LRRC53: variants seen among roughly 807,000 people sequenced by gnomAD.
LRRC53 encodes the protein leucine rich repeat containing 53.
LRRC53 carries 25 observed loss-of-function variants against 13.6 expected under a neutral mutation model. The ratio of observed to expected loss-of-function variants is 1.83; its 90% CI spans 1.34 to 2.56. LRRC53 has a LOEUF of 2.56. Among genes scored for constraint, LRRC53 ranks in the 30% most tolerant of loss-of-function variants. The pLI is 0.00. For synonymous variants in LRRC53, 204 were observed against 109.8 expected (o/e 1.86, Z -5.37); for missense variants, 527 against 275.8 (o/e 1.91, Z -6.45).
upstream of LRRC53, among the ~76,000 whole-genome samples, chr1:74,516,944 AC>A (rs1330179610): frequency 6.6e-6 from 1 of 152,184 alleles, no homozygotes; most frequent in Non-Finnish European, 1.5e-5. Flanking sequence ...CAACCTCTCT[AC>A]AGAAGTCTAA....
intron 1 of LRRC53, among the ~76,000 whole-genome samples, chr1:74,506,613 T>G (rs922878685): frequency 6.6e-6 from 1 of 152,220 alleles, no homozygotes; most frequent in African/African-American, 2.4e-5. Flanking sequence ...CCAGCAGCTC[T>G]GGCATCACCT....
the LRRC53 span, among the ~76,000 whole-genome samples, chr1:74,529,351 A>G: frequency 6.6e-6 from 1 of 152,176 alleles, no homozygotes; most frequent in Non-Finnish European, 1.5e-5. Context: ...GAATCTAATC[A>G]TTAGGAAACC....
At chr1:74,477,442 A>G (rs1306409154) in intron 3 of LRRC53, among the ~76,000 whole-genome samples, 1 of 152,198 alleles carries the variant, frequency 6.6e-6, no homozygotes, top group African/African-American at 2.4e-5. Flanking sequence ...GCATTGCTCT[A>G]TTGGTTCCTG....
intron 1 of LRRC53, among the ~76,000 whole-genome samples, chr1:74,494,562 C>T (rs954019142): frequency 6.6e-6 from 1 of 152,102 alleles, no homozygotes; most frequent in Admixed American, 6.5e-5. Context: ...ATCTTCTGTT[C>T]TTATTCTCTA....
chr1:74,492,694 T>A (rs186189691), intron 1 of LRRC53, among the ~76,000 whole-genome samples: 157 of 152,288 alleles, frequency 1.0e-3, no homozygotes, highest in African/African-American at 3.5e-3. Flanking sequence ...TGGAAATAGG[T>A]ACTTAAACAA....
At chr1:74,479,088 G>T (rs1289213479) in intron 3 of LRRC53, among the ~76,000 whole-genome samples, 1 of 152,104 alleles carries the variant, frequency 6.6e-6, no homozygotes, top group Admixed American at 6.6e-5. Context: ...ACAGAATAAT[G>T]ATTTATAGCA....
rs1667912236 is a variant in LRRC53, at chr1:74,471,127, A to G, written c.2495T>C (p.Ile832Thr). 2 of 400,732 alleles carry G rather than the reference A, an allele frequency of 5.0e-6. No individual in the cohort carries two copies. The highest frequency in any genetic ancestry group is 3.6e-5 in the East Asian group (1 of 28,074). The allele number at this position is 400,732 out of a possible 1,614,324, so 24.8% of individuals were successfully genotyped here. The change falls in exon 5 of 5, where the codon ATT becomes ACT. Residue 832 changes from isoleucine (I) to threonine (T), a missense_variant. Coordinates refer to ENST00000294635, the MANE Select transcript of LRRC53 (RefSeq NM_001382280.1). Reference sequence around the variant, plus strand: ...CAATTTTGATGTGTTTCCATCAGGAATGTGGCCAGCTGAGTAACAGCTGCT... The same window carrying G: ...CAATTTTGATGTGTTTCCATCAGGAGTGTGGCCAGCTGAGTAACAGCTGCT... ...IESSCYSAGHIPDGNTSKLPQ... is the reference protein window; with the variant it reads ...IESSCYSAGHTPDGNTSKLPQ...
the LRRC53 span, among the ~76,000 whole-genome samples, chr1:74,530,425 G>A: frequency 2.6e-5 from 4 of 152,158 alleles, no homozygotes; most frequent in African/African-American, 9.7e-5. Flanking sequence ...TGAGTTGTTA[G>A]GTGGGGCAAA....
intron 1 of LRRC53, among the ~76,000 whole-genome samples, chr1:74,495,316 T>G (rs985992191): frequency 6.6e-6 from 1 of 152,220 alleles, no homozygotes; most frequent in Non-Finnish European, 1.5e-5. Context: ...GTAAAGCGTT[T>G]AGCTAAGTTT....
the LRRC53 span, among the ~76,000 whole-genome samples, chr1:74,527,145 A>G: frequency 1.3e-5 from 2 of 152,230 alleles, no homozygotes; most frequent in Non-Finnish European, 1.5e-5. Flanking sequence ...GGCTACCTTC[A>G]GGTCACTGTA....
Position 74,475,747 on chromosome 1 carries a change from G to T in LRRC53, c.968C>A (p.Ala323Glu), listed in dbSNP as rs376869245. The change falls in exon 4 of 5, where the codon GCA (alanine) becomes GAA (glutamate). Residue 323 changes from alanine (A) to glutamate (E), a missense_variant. Physicochemically the swap from Ala to Glu is moderately radical, Grantham distance 107 (BLOSUM62 -1). Coordinates refer to ENST00000294635, the MANE Select transcript of LRRC53 (RefSeq NM_001382280.1). ...VFNWKLHQGKANEHTSENLCC... is the reference protein window; with the variant it reads ...VFNWKLHQGKENEHTSENLCC... ...AAGGTTTTCTGATGTGTGTTCATTT[G>T]CTTTGCCTTGGTGGAGTTTCCAGTT... The T allele has an allele frequency of 1.2e-5, 8 of 659,358 alleles. No individual in the cohort carries two copies. The African/African-American group carries it at 1.5e-4, about 12-fold the overall frequency. 40.8% of individuals were successfully genotyped at this position (659,358 alleles called of 1,614,324 possible).
rs3765675 is a variant in LRRC53, at chr1:74,472,144, C to A, written c.1478G>T (p.Gly493Val). 8.4e-6 allele frequency: 6 copies of A among 717,112 alleles called. No homozygotes were observed. The South Asian group carries it at 8.9e-5, about 11-fold the overall frequency. 44.4% of individuals were successfully genotyped at this position (717,112 alleles called of 1,614,324 possible). ...TGTTAAACGCTTCTCAAGACTTTCT[C>A]CTGCCAAGGCTGAAGCGGGTGTTGC... ...RYATPASALA[G>V]ESLEKRLTNE... Residue 493 changes from glycine (G) to valine (V), a missense_variant, in exon 5 of 5, where the codon GGA (glycine) becomes GTA (valine). Physicochemically the swap from Gly to Val is moderately radical, Grantham distance 109. Transcript: ENST00000294635.
rs550936097 is a variant in LRRC53, at chr1:74,490,478, G to A, written c.-26-7103C>T. ...CAGAAAAAAGGAATCCACCATGATAGGATCTACAAACATGATAGGATCTAC... is the reference window on the plus strand; with the variant it reads ...CAGAAAAAAGGAATCCACCATGATAAGATCTACAAACATGATAGGATCTAC... On this transcript the variant is annotated intron_variant, in intron 1 of 4. Transcript: ENST00000294635. Among the ~76,000 whole-genome samples, 7 of 152,246 alleles carry A rather than the reference G, an allele frequency of 4.6e-5. 1 individual carries two copies. The South Asian group carries it at 1.5e-3, about 32-fold the overall frequency.
chr1:74,500,323 T>G (rs1230981424), intron 1 of LRRC53, among the ~76,000 whole-genome samples: 1 of 152,102 alleles, frequency 6.6e-6, no homozygotes, highest in Non-Finnish European at 1.5e-5. Flanking sequence ...TCATTTTTCT[T>G]TTCCATAAAT....
chr1:74,481,301 C>A (rs1668488209), intron 2 of LRRC53, among the ~76,000 whole-genome samples: 1 of 152,178 alleles, frequency 6.6e-6, no homozygotes, highest in African/African-American at 2.4e-5. Flanking sequence ...GGCCCTCCCT[C>A]CGAGGCTATG....
intron 3 of LRRC53, among the ~76,000 whole-genome samples, chr1:74,477,582 T>A (rs1668267336): frequency 6.6e-6 from 1 of 152,184 alleles, no homozygotes; most frequent in African/African-American, 2.4e-5. Flanking sequence ...AAGACAAGAA[T>A]CAGCCACTGA....
chr1:74,480,210 T>C lies in LRRC53; in HGVS notation c.847A>G (p.Arg283Gly), dbSNP rs1327539562. The C allele has an allele frequency of 1.4e-6, 1 of 717,544 alleles. No individual in the cohort carries two copies. Among genetic ancestry groups the C allele is most frequent in the East Asian group, 2.7e-5 (1 of 37,292 alleles). 44.4% of individuals were successfully genotyped at this position (717,544 alleles called of 1,614,324 possible). ...APNFTLVLKD[R>G]SPLLPGPDVA... ...TCTGGTCCTGGGAGGAGGGGACTTC[T>C]GTCCTTTAGAACCAGAGTGAAGTTG... The change falls in exon 3 of 5, where the codon AGA becomes GGA. Residue 283 changes from arginine to glycine, a missense_variant. Arg to Gly is a moderately radical substitution (Grantham distance 125, BLOSUM62 -2). Transcript: ENST00000294635.
chr1:74,508,745 A>G (rs1374419539), intron 1 of LRRC53, among the ~76,000 whole-genome samples: 3 of 152,326 alleles, frequency 2.0e-5, no homozygotes, highest in South Asian at 2.1e-4. Flanking sequence ...TGCTGATAAC[A>G]TAAGTGGGAG....
intron 1 of LRRC53, among the ~76,000 whole-genome samples, chr1:74,496,093 CCAT>C (rs1331072868): frequency 1.3e-5 from 2 of 152,148 alleles, no homozygotes; most frequent in Admixed American, 1.3e-4. Flanking sequence ...AAACCAAAAC[CCAT>C]GGGGTTGGCA....
Sources: allele counts gnomAD v4.1 joint callset (sites outside exome capture counted in the v4.1 genomes callset), GRCh38; gene constraint gnomAD v4.1.1; transcripts MANE v1.5; gene names NCBI Gene and HGNC (gene_info 2026-07-23, HGNC 2026-07-21).